Variants in CRPPA observed in about 807,000 individuals in gnomAD.
CRPPA encodes the protein CDP-L-ribitol pyrophosphorylase A.
Under a neutral mutation model 52.0 loss-of-function variants are expected in CRPPA, and 43 were observed. The ratio of observed to expected loss-of-function variants is 0.83; its 90% CI spans 0.65 to 1.07. The LOEUF is 1.07. Ranked by LOEUF, CRPPA falls within the 50% of genes least tolerant of loss-of-function variation. The pLI is 0.00. For synonymous variants in CRPPA, 250 were observed against 203.5 expected (o/e 1.23, Z -1.94); for missense variants, 629 against 551.7 (o/e 1.14, Z -1.40).
chr7:16,091,731 T>C lies in CRPPA; in HGVS notation c.1320A>G (p.Arg440=), dbSNP rs1474282728. The C allele has an allele frequency of 1.3e-6, 2 of 1,562,912 alleles. No homozygotes were observed. Among genetic ancestry groups the C allele is most frequent in the East Asian group, 4.6e-5 (2 of 43,106 alleles). The change falls in exon 10 of 10, where the codon AGA becomes AGG. Residue 440 remains arginine (R), a synonymous_variant. Transcript: ENST00000407010. Reference sequence around the variant, plus strand: ...GAAGCTGACCAATGAGTCCAGAATTTCTTTCCTTGATTAATGAAGCAATAA... The same window carrying C: ...GAAGCTGACCAATGAGTCCAGAATTCCTTTCCTTGATTAATGAAGCAATAA... ...AIIIASLIKE[R]NSGLIGQLLI...
intron 8 of CRPPA, among the ~76,000 whole-genome samples, chr7:16,233,412 T>C (rs1037239266): frequency 2.6e-5 from 4 of 152,156 alleles, no homozygotes; most frequent in Admixed American, 2.0e-4. Context: ...AGGAGATACA[T>C]ACTTCCTTTC....
chr7:16,185,134 T>C (rs567899585), intron 9 of CRPPA, among the ~76,000 whole-genome samples: 1 of 152,080 alleles, frequency 6.6e-6, no homozygotes, highest in African/African-American at 2.4e-5. Flanking sequence ...AAGAAAGAGG[T>C]TTAATTGGAC....
At chr7:16,101,558 T>A (rs2128364075) in intron 9 of CRPPA, among the ~76,000 whole-genome samples, 1 of 152,178 alleles carries the variant, frequency 6.6e-6, no homozygotes, top group South Asian at 2.1e-4. Flanking sequence ...TTTATTATTC[T>A]GGCTAGTGGT....
intron 2 of CRPPA, among the ~76,000 whole-genome samples, chr7:16,402,148 A>G (rs918798301): frequency 3.9e-5 from 6 of 152,182 alleles, no homozygotes; most frequent in African/African-American, 1.4e-4. Context: ...GAGGAGAGAC[A>G]CTCACAAGTG....
In CRPPA at chr7:16,210,909, A is replaced by G. The variant is rs115292609; in HGVS notation, c.1251+5157T>C. Among the ~76,000 whole-genome samples, 490 of 152,306 alleles carry G rather than the reference A, an allele frequency of 3.2e-3. 6 individuals carry two copies. Among genetic ancestry groups the G allele is most frequent in the African/African-American group, 0.011 (472 of 41,570 alleles). On this transcript the variant is annotated intron_variant, in intron 9 of 9. Transcript: ENST00000407010. ...CAGATAGAAATAAAACCTACTGTTC[A>G]ATACATCAGTAGGGTGACAATAGTT...
intron 9 of CRPPA, among the ~76,000 whole-genome samples, chr7:16,142,426 T>A (rs1782891382): frequency 6.6e-6 from 1 of 152,232 alleles, no homozygotes; most frequent in Admixed American, 6.5e-5. Flanking sequence ...AGAATAAAGT[T>A]CTACATTATT....
At chr7:16,399,589 T>C (rs949546706) in intron 2 of CRPPA, among the ~76,000 whole-genome samples, 2 of 151,830 alleles carry the variant, frequency 1.3e-5, no homozygotes, top group African/African-American at 4.8e-5. Flanking sequence ...GACAAGCGAC[T>C]TACACGATTG....
rs534769636 is a variant in CRPPA, at chr7:16,251,500, A to G, written c.1119+6890T>C. 2.6e-5 allele frequency among the ~76,000 whole-genome samples: 4 copies of G among 152,352 alleles called. No homozygotes were observed. In the East Asian group the frequency reaches 7.7e-4, roughly 29 times the overall value. ...AAGTAAAACACTCCTCAGCAAATGT[A>G]AAAGAATGGAGATCATAACAAACCA... On this transcript the variant is annotated intron_variant, in intron 8 of 9. Transcript: ENST00000407010.
intron 2 of CRPPA, among the ~76,000 whole-genome samples, chr7:16,385,149 T>C (rs1441601071): frequency 6.6e-6 from 1 of 150,960 alleles, no homozygotes; most frequent in Non-Finnish European, 1.5e-5. Flanking sequence ...TGAAGATAAA[T>C]GAACAGAGCC....
chr7:16,286,040 TATAA>T lies in CRPPA; in HGVS notation c.836-7818_836-7815del, dbSNP rs1562608386. Among the ~76,000 whole-genome samples the T allele has an allele frequency of 6.0e-3, 35 of 5,876 alleles. 1 individual carries two copies. The highest frequency in any genetic ancestry group is 9.6e-3 in the African/African-American group (13 of 1,352). 3.9% of individuals were successfully genotyped at this position (5,876 alleles called of 152,430 possible). On this transcript the variant is annotated intron_variant, in intron 5 of 9. Transcript: ENST00000407010. ...CATCTCAAAAAAAAAAAAAAAAAAA[TATAA>T]ATATATATATATATATATATATATA...
chr7:16,286,176 CAACTT>C (rs1784444925), intron 5 of CRPPA, among the ~76,000 whole-genome samples: 1 of 140,542 alleles, frequency 7.1e-6, no homozygotes, highest in African/African-American at 2.7e-5. Flanking sequence ...ATTTGTGTAT[CAACTT>C]GACTGGACCA....
intron 9 of CRPPA, among the ~76,000 whole-genome samples, chr7:16,170,889 C>T (rs868490317): frequency 6.6e-6 from 1 of 152,240 alleles, no homozygotes; most frequent in African/African-American, 2.4e-5. Context: ...CAGCCCAGGC[C>T]CACCCGGAAC....
At chr7:16,097,056 A>G (rs1562501220) in intron 9 of CRPPA, among the ~76,000 whole-genome samples, 1 of 152,176 alleles carries the variant, frequency 6.6e-6, no homozygotes, top group African/African-American at 2.4e-5. Context: ...ATAGAAAATC[A>G]ATAGTACTGA....
intron 2 of CRPPA, among the ~76,000 whole-genome samples, chr7:16,389,928 A>AAAAATATATATATATATAT: frequency 6.7e-5 from 2 of 29,770 alleles, no homozygotes. Context: ...AAAAAAAAAA[A>AAAAATATATATATATATAT]ATATATATAT....
chr7:16,349,084 A>G (rs1257151221), intron 3 of CRPPA, among the ~76,000 whole-genome samples: 1 of 152,216 alleles, frequency 6.6e-6, no homozygotes, highest in Admixed American at 6.5e-5. Flanking sequence ...AGAGAATGGG[A>G]GATAAATATG....
intron 3 of CRPPA, among the ~76,000 whole-genome samples, chr7:16,314,000 A>G (rs537731638): frequency 2.6e-5 from 4 of 151,996 alleles, no homozygotes; most frequent in Admixed American, 1.3e-4. Flanking sequence ...AAGTAACTAG[A>G]TGTCAATTTT....
chr7:16,314,885 G>T (rs1042883958), intron 3 of CRPPA, among the ~76,000 whole-genome samples: 22 of 151,960 alleles, frequency 1.4e-4, no homozygotes, highest in Non-Finnish European at 3.2e-4. Context: ...ATACAGTCTG[G>T]TATTCCTGAA....
At chr7:16,121,446 T>G (rs1396835492) in intron 9 of CRPPA, among the ~76,000 whole-genome samples, 4 of 152,024 alleles carry the variant, frequency 2.6e-5, no homozygotes, top group Non-Finnish European at 5.9e-5. Context: ...GTTTACAATG[T>G]GAATACAGAC....
intron 9 of CRPPA, among the ~76,000 whole-genome samples, chr7:16,101,940 G>A (rs1782054307): frequency 6.6e-6 from 1 of 151,930 alleles, no homozygotes; most frequent in South Asian, 2.1e-4. Context: ...TTTTTTCACA[G>A]AATTAGAAAA....
Sources: gnomAD v4.1 joint callset for allele counts (sites outside exome capture counted in the v4.1 genomes callset) on GRCh38, gnomAD v4.1.1 for gene constraint, MANE v1.5 for transcripts, NCBI Gene and HGNC (gene_info 2026-07-23, HGNC 2026-07-21) for gene names.